Variants in HPSE2 observed in about 807,000 individuals in gnomAD.
The protein encoded by HPSE2 is inactive heparanase-2.
In HPSE2, 38 loss-of-function variants were observed where a neutral mutation model predicts 60.5. That is an observed-to-expected ratio of 0.63 (90% CI 0.48 to 0.82). The LOEUF is 0.82. Among genes scored for constraint, HPSE2 ranks in the 40% least tolerant of loss-of-function variants. HPSE2 has a pLI of 0.00. For synonymous variants in HPSE2, 295 were observed against 293.2 expected, an observed-to-expected ratio of 1.01 and a Z score of -0.06; for missense variants, 713 against 740.4, an observed-to-expected ratio of 0.96 and a Z score of 0.43.
At chr10:98,508,757 G>A (rs1003716665) in intron 9 of HPSE2, among the ~76,000 whole-genome samples, 1 of 152,142 alleles carries the variant, frequency 6.6e-6, no homozygotes, top group East Asian at 1.9e-4. Context: ...AAGAGCATAC[G>A]CAAATACTGT....
chr10:98,936,652 T>C (rs1954799494), intron 3 of HPSE2, among the ~76,000 whole-genome samples: 1 of 143,132 alleles, frequency 7.0e-6, no homozygotes, highest in Admixed American at 7.0e-5. Flanking sequence ...GTGACTGAGA[T>C]TATATGGCCC....
Position 98,618,047 on chromosome 10 carries a change from C to T in HPSE2, c.1205+2555G>A, listed in dbSNP as rs975015236. 2.6e-5 allele frequency among the ~76,000 whole-genome samples: 4 copies of T among 152,136 alleles called. No individual in the cohort carries two copies. The East Asian group carries it at 7.7e-4, about 29-fold the overall frequency. ...GAATGCTTTACTGCTCCCCTACTCC[C>T]CCCCGCCACGACAGGAAGCAATTTA... is the stretch of plus-strand genomic sequence containing the variant. On this transcript the variant is annotated intron_variant, in intron 8 of 11. Transcript: ENST00000370552.
chr10:99,143,962 T>A (rs1169870358), intron 3 of HPSE2, among the ~76,000 whole-genome samples: 1 of 152,168 alleles, frequency 6.6e-6, no homozygotes, highest in Non-Finnish European at 1.5e-5. Context: ...ATTTAGTAAT[T>A]CTCTCAAATC....
chr10:99,208,876 T>C (rs886519930), intron 2 of HPSE2, among the ~76,000 whole-genome samples: 5 of 152,102 alleles, frequency 3.3e-5, no homozygotes, highest in Non-Finnish European at 7.4e-5. Context: ...AGATCAAATG[T>C]ACTTTAAGTC....
chr10:98,473,505 G>GAA (rs1447833116), intron 11 of HPSE2, among the ~76,000 whole-genome samples: 1 of 95,794 alleles, frequency 1.0e-5, no homozygotes, highest in Non-Finnish European at 2.0e-5. Flanking sequence ...AAAAAAAAAA[G>GAA]AAGGCAGAAA....
At chr10:99,093,095 G>T (rs1255038184) in intron 3 of HPSE2, among the ~76,000 whole-genome samples, 1 of 152,050 alleles carries the variant, frequency 6.6e-6, no homozygotes, top group African/African-American at 2.4e-5. Context: ...GGGCATGGTG[G>T]TGTGTGCCTG....
At chr10:98,598,299 TG>T (rs1945303467) in intron 9 of HPSE2, among the ~76,000 whole-genome samples, 1 of 152,030 alleles carries the variant, frequency 6.6e-6, no homozygotes, top group Non-Finnish European at 1.5e-5. Context: ...CTGGAGTCTT[TG>T]GGCAGGCTGA....
chr10:99,279,014 A>T, the HPSE2 span, among the ~76,000 whole-genome samples: 1 of 152,184 alleles, frequency 6.6e-6, no homozygotes, highest in Non-Finnish European at 1.5e-5. Flanking sequence ...AAAGATAACT[A>T]AGTCATCAAA....
At chr10:98,890,173 C>CTCGT (rs1349587970) in intron 3 of HPSE2, among the ~76,000 whole-genome samples, 8 of 152,068 alleles carry the variant, frequency 5.3e-5, no homozygotes, top group African/African-American at 1.7e-4. Context: ...GTACTGAAAA[C>CTCGT]ATGTAAGTTA....
At chr10:98,993,912 TA>T (rs1564721414) in intron 3 of HPSE2, among the ~76,000 whole-genome samples, 1 of 152,216 alleles carries the variant, frequency 6.6e-6, no homozygotes, top group African/African-American at 2.4e-5. Flanking sequence ...TACATAAGGA[TA>T]AAACAGAGTT....
chr10:98,775,453 C>A (rs191563807), intron 3 of HPSE2, among the ~76,000 whole-genome samples: 2 of 152,170 alleles, frequency 1.3e-5, no homozygotes, highest in South Asian at 4.1e-4. Flanking sequence ...GCCAGTTATT[C>A]TCTAGTCTAG....
chr10:98,591,824 A>G (rs1476219038), intron 9 of HPSE2, among the ~76,000 whole-genome samples: 1 of 152,184 alleles, frequency 6.6e-6, no homozygotes, highest in Non-Finnish European at 1.5e-5. Flanking sequence ...CAGCGCACGT[A>G]TAACACTGCA....
At chr10:99,081,072 G>A (rs1843118641) in intron 3 of HPSE2, among the ~76,000 whole-genome samples, 1 of 152,194 alleles carries the variant, frequency 6.6e-6, no homozygotes, top group Non-Finnish European at 1.5e-5. Flanking sequence ...GGGATTACAG[G>A]GGTGAACCAC....
intron 3 of HPSE2, among the ~76,000 whole-genome samples, chr10:98,834,519 G>A (rs1263083299): frequency 6.6e-6 from 1 of 152,012 alleles, no homozygotes; most frequent in Non-Finnish European, 1.5e-5. Flanking sequence ...AACATCCAAT[G>A]AATTAATGCA....
intron 5 of HPSE2, among the ~76,000 whole-genome samples, chr10:98,716,619 A>G (rs932667457): frequency 2.0e-5 from 3 of 151,996 alleles, no homozygotes; most frequent in African/African-American, 4.8e-5. Context: ...ATGGCCTTAT[A>G]AAATGTACTT....
At chr10:98,761,333 C>T (rs1020719141) in intron 3 of HPSE2, among the ~76,000 whole-genome samples, 1 of 152,080 alleles carries the variant, frequency 6.6e-6, no homozygotes, top group Non-Finnish European at 1.5e-5. Context: ...AACAAAGCAA[C>T]TCCTAGCTTT....
At chr10:98,871,447 C>T (rs1952730693) in intron 3 of HPSE2, among the ~76,000 whole-genome samples, 1 of 151,820 alleles carries the variant, frequency 6.6e-6, no homozygotes, top group Admixed American at 6.6e-5. Flanking sequence ...AAACTGTATA[C>T]TTTTAGCTAA....
chr10:98,525,542 ACAG>A (rs1419435199), intron 9 of HPSE2, among the ~76,000 whole-genome samples: 1 of 152,252 alleles, frequency 6.6e-6, no homozygotes, highest in Non-Finnish European at 1.5e-5. Flanking sequence ...AGGAAAAGCT[ACAG>A]AAGAGAAAAC....
At position 98,593,765 on chromosome 10, in the gene HPSE2, A is replaced by T. The variant is rs141558644; in HGVS notation, c.1320+21139T>A. ...GGGGTCTTCCTTTTCTTAACAATAG[A>T]TTGAAGACAATATCTCCAGTTATAT... On this transcript the variant is annotated intron_variant, in intron 9 of 11. Transcript: ENST00000370552. Among the ~76,000 whole-genome samples, 371 of 152,312 alleles carry T rather than the reference A, an allele frequency of 2.4e-3. 1 individual carries two copies. Among genetic ancestry groups the T allele is most frequent in the African/African-American group, 8.6e-3 (357 of 41,574 alleles).
Sources: allele counts gnomAD v4.1 joint callset (sites outside exome capture counted in the v4.1 genomes callset), GRCh38; gene constraint gnomAD v4.1.1; transcripts MANE v1.5; gene names NCBI Gene and HGNC (gene_info 2026-07-23, HGNC 2026-07-21).